Variants in MTUS1 observed in about 807,000 individuals in gnomAD.
MTUS1 encodes microtubule associated scaffold protein 1.
A neutral mutation model predicts 120.8 loss-of-function variants in MTUS1; 109 were observed. That is an observed-to-expected ratio of 0.90 (90% CI 0.77 to 1.06). The LOEUF is 1.06. MTUS1 is among the 50% of genes least tolerant of loss of function. The pLI, the probability that MTUS1 is intolerant of heterozygous loss-of-function variation, is 0.00. For synonymous variants in MTUS1, 737 were observed against 550.5 expected (o/e 1.34, Z -4.74); for missense variants, 2,210 against 1,486.3 (o/e 1.49, Z -8.01).
In MTUS1 at chr8:17,743,598, T is replaced by G; in HGVS notation, c.2287+6A>C. The G allele has an allele frequency of 6.2e-7, 1 of 1,610,160 alleles. No individual in the cohort carries two copies. Reference sequence around the variant, plus strand: ...CTCATAAACTATTGAACTATTTTATTCTTACCAGAACTGGACACACGCCTG... The same window carrying G: ...CTCATAAACTATTGAACTATTTTATGCTTACCAGAACTGGACACACGCCTG... On this transcript the variant is annotated splice_donor_region_variant and intron_variant, in intron 3 of 14. Coordinates refer to ENST00000693296, the MANE Select transcript of MTUS1 (RefSeq NM_001363059.2).
At chr8:17,683,470 T>G (rs1815059921) in intron 7 of MTUS1, among the ~76,000 whole-genome samples, 3 of 152,210 alleles carry the variant, frequency 2.0e-5, no homozygotes, top group African/African-American at 4.8e-5. Flanking sequence ...TTCTTTTTGC[T>G]TTTAATTTTT....
intron 2 of MTUS1, among the ~76,000 whole-genome samples, chr8:17,745,521 G>C (rs2047676919): frequency 6.6e-6 from 1 of 152,194 alleles, no homozygotes; most frequent in East Asian, 1.9e-4. Context: ...TAGATACAGA[G>C]GGCTGACTGT....
intron 6 of MTUS1, among the ~76,000 whole-genome samples, chr8:17,709,645 AGTGCATATAAAACTTAT>A (rs1342564770): frequency 2.0e-5 from 3 of 152,118 alleles, no homozygotes; most frequent in Non-Finnish European, 4.4e-5. Flanking sequence ...CTGGTTTCTC[AGTGCATATAAAACTTAT>A]ATTAACACTA....
At chr8:17,788,461 A>G (rs560211903) in intron 1 of MTUS1, among the ~76,000 whole-genome samples, 5 of 152,250 alleles carry the variant, frequency 3.3e-5, no homozygotes, top group African/African-American at 4.8e-5. Context: ...CTCTTTACTC[A>G]GAATTTCATG....
chr8:17,654,583 C>G lies in MTUS1; in HGVS notation c.3192G>C (p.Lys1064Asn). 6.2e-7 allele frequency: 1 copy of G among 1,613,362 alleles called. No homozygotes were observed. Among genetic ancestry groups the G allele is most frequent in the Non-Finnish European group, 8.5e-7 (1 of 1,179,294 alleles). The stretch of plus-strand genomic sequence containing the variant: ...TGCCTGAAAGGGAGGCTTCATAGGC[C>G]TTCTTTAGCAATTCAAGTTTCTCTG... ...SHSEKLELLK[K>N]AYEASLSEIK... The change falls in exon 10 of 15, where the codon AAG becomes AAC. Residue 1064 changes from lysine to asparagine, a missense_variant. Transcript: ENST00000693296.
chr8:17,779,550 A>G (rs895963132), intron 1 of MTUS1, among the ~76,000 whole-genome samples: 1 of 152,224 alleles, frequency 6.6e-6, no homozygotes, highest in Non-Finnish European at 1.5e-5. Context: ...AAGCTTATCA[A>G]CGTTTCTAAA....
intron 8 of MTUS1, chr8:17,674,342 C>T: frequency 2.5e-6 from 1 of 397,532 alleles, no homozygotes; most frequent in Non-Finnish European, 3.4e-6. Flanking sequence ...ATTGCTTGAA[C>T]CCGGGAGGCG....
At chr8:17,730,643 T>C (rs2046510272) in intron 3 of MTUS1, among the ~76,000 whole-genome samples, 1 of 152,198 alleles carries the variant, frequency 6.6e-6, no homozygotes, top group African/African-American at 2.4e-5. Flanking sequence ...TACCACGGAA[T>C]ACTATTCTGC....
At chr8:17,682,790 A>G (rs796886421) in intron 7 of MTUS1, among the ~76,000 whole-genome samples, 34 of 152,330 alleles carry the variant, frequency 2.2e-4, no homozygotes, top group African/African-American at 7.7e-4. Context: ...GATAGTATAC[A>G]GTTTCTAGTT....
Position 17,755,990 on chromosome 8 carries a change from T to C in MTUS1, c.-154-29A>G. 2.2e-6 allele frequency: 3 copies of C among 1,370,514 alleles called. No individual in the cohort carries two copies. In the South Asian group the frequency reaches 5.0e-5, roughly 23 times the overall value. 84.9% of individuals were successfully genotyped at this position (1,370,514 alleles called of 1,614,324 possible). On this transcript the variant is annotated intron_variant, in intron 1 of 14. Transcript: ENST00000693296. ...GAAGAAATAAAATGTTTAACTCAAGTAACTATAAGAAAAATTAACAGGCCA... is the reference window on the plus strand; with the variant it reads ...GAAGAAATAAAATGTTTAACTCAAGCAACTATAAGAAAAATTAACAGGCCA...
At chr8:17,785,186 C>A (rs1458890536) in intron 1 of MTUS1, among the ~76,000 whole-genome samples, 14 of 150,994 alleles carry the variant, frequency 9.3e-5, no homozygotes, top group Admixed American at 8.6e-4. Flanking sequence ...CAAGATGGTC[C>A]CAGCCTTCAA....
intron 1 of MTUS1, among the ~76,000 whole-genome samples, chr8:17,797,264 T>C (rs1038923771): frequency 6.6e-6 from 1 of 151,728 alleles, no homozygotes. Flanking sequence ...AATACAAAAA[T>C]TAGCCAGGCA....
intron 8 of MTUS1, among the ~76,000 whole-genome samples, chr8:17,659,320 G>T (rs1233963756): frequency 1.3e-5 from 2 of 152,178 alleles, no homozygotes; most frequent in Non-Finnish European, 2.9e-5. Context: ...CCAGGGAGTG[G>T]CACTCAGGAT....
intron 3 of MTUS1, among the ~76,000 whole-genome samples, chr8:17,730,011 C>G (rs142226940): frequency 1.6e-5 from 2 of 126,512 alleles, no homozygotes; most frequent in Non-Finnish European, 3.4e-5. Context: ...AAAGCAAAAA[C>G]AAAAAATTAA....
chr8:17,700,407 T>C (rs55956292), intron 6 of MTUS1, among the ~76,000 whole-genome samples: 5 of 147,074 alleles, frequency 3.4e-5, no homozygotes, highest in African/African-American at 1.3e-4. Context: ...GAGATGGAGG[T>C]TGCAATCAGC....
chr8:17,789,740 T>C (rs1015602066), intron 1 of MTUS1, among the ~76,000 whole-genome samples: 1 of 152,172 alleles, frequency 6.6e-6, no homozygotes. Flanking sequence ...AAGGTGACTG[T>C]ATATACACAT....
chr8:17,763,948 G>A (rs2049254273), intron 1 of MTUS1, among the ~76,000 whole-genome samples: 1 of 152,162 alleles, frequency 6.6e-6, no homozygotes, highest in Non-Finnish European at 1.5e-5. Flanking sequence ...TGTTAAAGAT[G>A]ACGGAACCAC....
chr8:17,722,633 T>C, intron 4 of MTUS1: 1 of 888,662 alleles, frequency 1.1e-6, no homozygotes, highest in East Asian at 1.2e-4. Context: ...AATTCGGTCA[T>C]TAATTCAATG....
chr8:17,724,119 G>T, intron 3 of MTUS1: 1 of 529,370 alleles, frequency 1.9e-6, no homozygotes, highest in Non-Finnish European at 3.5e-6. Flanking sequence ...CTCTGAAGGA[G>T]ATGATCAATC....
Sources: allele counts gnomAD v4.1 joint callset (sites outside exome capture counted in the v4.1 genomes callset), GRCh38; gene constraint gnomAD v4.1.1; transcripts MANE v1.5; gene names NCBI Gene and HGNC (gene_info 2026-07-23, HGNC 2026-07-21).